HDAC9: variants seen among roughly 807,000 people sequenced by gnomAD.
HDAC9 encodes MEF-2 interacting transcription repressor (MITR) protein.
Under a neutral mutation model 139.4 loss-of-function variants are expected in HDAC9, and 41 were observed. The ratio of observed to expected loss-of-function variants is 0.29; its 90% confidence interval spans 0.23 to 0.38. The LOEUF is 0.38. Among genes scored for constraint, HDAC9 ranks in the 10% least tolerant of loss-of-function variants. The pLI is 1.00. For missense variants in HDAC9, 1,147 were observed against 1,297.0 expected, an observed-to-expected ratio of 0.88 and a Z score of 1.78; for synonymous variants, 517 against 476.2, an observed-to-expected ratio of 1.09 and a Z score of -1.12.
At chr7:18,691,833 G>GGTAGCCCATATTGATCCCAATCA (rs1334766901) in intron 12 of HDAC9, among the ~76,000 whole-genome samples, 1 of 151,954 alleles carries the variant, frequency 6.6e-6, no homozygotes, top group East Asian at 1.9e-4. Context: ...GCCAATGTGG[G>GGTAGCCCATATTGATCCCAATCA]GTAGCCCATA....
At chr7:18,577,913 A>T (rs1342802364) in intron 2 of HDAC9, among the ~76,000 whole-genome samples, 1 of 152,020 alleles carries the variant, frequency 6.6e-6, no homozygotes, top group East Asian at 1.9e-4. Flanking sequence ...AAAGAATGAG[A>T]CTGAAAAAAA....
intron 12 of HDAC9, among the ~76,000 whole-genome samples, chr7:18,711,651 A>G (rs997679251): frequency 6.6e-6 from 1 of 152,168 alleles, no homozygotes; most frequent in South Asian, 2.1e-4. Flanking sequence ...AAAACTTTAC[A>G]ATCCTCAGAG....
intron 2 of HDAC9, among the ~76,000 whole-genome samples, chr7:18,178,923 GT>G (rs1789172161): frequency 6.6e-6 from 1 of 152,024 alleles, no homozygotes; most frequent in Non-Finnish European, 1.5e-5. Flanking sequence ...TAATATAATG[GT>G]TGAAGTCTTT....
chr7:18,590,931 G>C (rs1043434197), intron 4 of HDAC9, among the ~76,000 whole-genome samples: 5 of 152,264 alleles, frequency 3.3e-5, no homozygotes, highest in African/African-American at 9.6e-5. Flanking sequence ...ACATGCAAAA[G>C]AACTATCCAC....
At chr7:18,789,055 T>C (rs879392349) in intron 16 of HDAC9, among the ~76,000 whole-genome samples, 2 of 152,160 alleles carry the variant, frequency 1.3e-5, no homozygotes, top group Non-Finnish European at 2.9e-5. Flanking sequence ...TCATATTCTT[T>C]CGATGCTATC....
intron 22 of HDAC9, among the ~76,000 whole-genome samples, chr7:18,918,233 G>T (rs1353730064): frequency 6.6e-6 from 1 of 151,872 alleles, no homozygotes; most frequent in Non-Finnish European, 1.5e-5. Flanking sequence ...ATTCACTGAT[G>T]AACCATGTTT....
At chr7:18,334,045 A>T (rs1161447250) in intron 1 of HDAC9, among the ~76,000 whole-genome samples, 2 of 151,374 alleles carry the variant, frequency 1.3e-5, no homozygotes, top group Non-Finnish European at 3.0e-5. Context: ...AAAAGGGAAA[A>T]ACTGGAGAAA....
At chr7:18,584,446 T>C (rs1828837618) in intron 2 of HDAC9, among the ~76,000 whole-genome samples, 1 of 152,180 alleles carries the variant, frequency 6.6e-6, no homozygotes, top group Admixed American at 6.5e-5. Context: ...AGCATTCTTA[T>C]CTACTAAGAG....
chr7:18,658,945 A>T lies in HDAC9; in HGVS notation c.1468-7268A>T, dbSNP rs368965973. Among the ~76,000 whole-genome samples, 8 of 151,470 alleles carry T rather than the reference A, an allele frequency of 5.3e-5. No homozygotes were observed. The East Asian group carries it at 1.4e-3, about 26-fold the overall frequency. ...AACAACAACAACTTCTGCTATTGCC[A>T]TTCCCCAAGTACAATCTGTCTTAAA... is the stretch of plus-strand genomic sequence containing the variant. On this transcript the variant is annotated intron_variant, in intron 11 of 25. Coordinates refer to ENST00000686413, the MANE Select transcript of HDAC9 (RefSeq NM_178425.4).
At chr7:18,756,831 G>A (rs1330049546) in intron 14 of HDAC9, among the ~76,000 whole-genome samples, 2 of 151,656 alleles carry the variant, frequency 1.3e-5, no homozygotes, top group African/African-American at 4.8e-5. Context: ...AGCCTGTTAG[G>A]CCACCTGCCT....
chr7:18,511,762 G>A (rs1343854973), intron 2 of HDAC9, among the ~76,000 whole-genome samples: 3 of 152,070 alleles, frequency 2.0e-5, no homozygotes, highest in Non-Finnish European at 2.9e-5. Context: ...ATATATATGA[G>A]ACCCACTTTC....
chr7:18,546,159 A>G (rs1390545689), intron 2 of HDAC9, among the ~76,000 whole-genome samples: 1 of 152,202 alleles, frequency 6.6e-6, no homozygotes, highest in Non-Finnish European at 1.5e-5. Context: ...TAATGATTGC[A>G]TAGATGTTGG....
At chr7:18,771,196 T>C (rs1790258603) in intron 16 of HDAC9, among the ~76,000 whole-genome samples, 1 of 152,080 alleles carries the variant, frequency 6.6e-6, no homozygotes, top group African/African-American at 2.4e-5. Flanking sequence ...GAAGGCACCT[T>C]CTCCAGCAGT....
At chr7:18,752,976 A>G (rs1281768060) in intron 14 of HDAC9, among the ~76,000 whole-genome samples, 1 of 152,066 alleles carries the variant, frequency 6.6e-6, no homozygotes, top group South Asian at 2.1e-4. Flanking sequence ...CGTTGCTAAC[A>G]TGTGTCTGGG....
At chr7:18,791,835 C>T (rs1156627829) in intron 16 of HDAC9, among the ~76,000 whole-genome samples, 1 of 152,146 alleles carries the variant, frequency 6.6e-6, no homozygotes, top group Non-Finnish European at 1.5e-5. Context: ...TAGTAGCTAG[C>T]TTTTGTTTAC....
rs956568454 is a variant in HDAC9, at chr7:18,208,573, G to A, written c.25+46224G>A. ...ATATTTTTTGTAGAGACTGGCTTTC[G>A]CCATGTTGGCCAGGCTGGTCTCCAA... On this transcript the variant is annotated intron_variant, in intron 2 of 12. Coordinates refer to the HDAC9 transcript ENST00000417496. Among the ~76,000 whole-genome samples, 5 of 151,634 alleles carry A rather than the reference G, an allele frequency of 3.3e-5. No homozygotes were observed. The East Asian group carries it at 5.8e-4, about 18-fold the overall frequency.
chr7:18,991,425 G>A (rs1785939787), intron 25 of HDAC9, among the ~76,000 whole-genome samples: 1 of 152,122 alleles, frequency 6.6e-6, no homozygotes, highest in South Asian at 2.1e-4. Flanking sequence ...CAGATCACGA[G>A]GTCAGATCAA....
chr7:18,383,702 A>G (rs1254396136), intron 1 of HDAC9, among the ~76,000 whole-genome samples: 1 of 151,638 alleles, frequency 6.6e-6, no homozygotes, highest in African/African-American at 2.4e-5. Flanking sequence ...GAAAGAACTG[A>G]TGACCCCGTC....
chr7:18,649,883 C>A (rs1319097583), intron 11 of HDAC9, among the ~76,000 whole-genome samples: 1 of 152,094 alleles, frequency 6.6e-6, no homozygotes, highest in African/African-American at 2.4e-5. Context: ...GATTGGGGTG[C>A]TAGAGATGGG....
Sources: gnomAD v4.1 joint callset for allele counts (sites outside exome capture counted in the v4.1 genomes callset) on GRCh38, gnomAD v4.1.1 for gene constraint, MANE v1.5 for transcripts, NCBI Gene and HGNC (gene_info 2026-07-23, HGNC 2026-07-21) for gene names.